XCR1: variants seen among roughly 807,000 people sequenced by gnomAD.
The protein encoded by XCR1 is chemokine XC receptor 1.
For synonymous variants in XCR1, 187 were observed against 188.5 expected (o/e 0.99, Z 0.06); for missense variants, 356 against 424.2 (o/e 0.84, Z 1.41).
intron 2 of XCR1, among the ~76,000 whole-genome samples, chr3:46,076,481 G>T (rs1293237886): frequency 6.6e-6 from 1 of 150,650 alleles, no homozygotes; most frequent in African/African-American, 2.4e-5. Flanking sequence ...TGTAAAATGA[G>T]AAAGACACTC....
intron 5 of XCR1, among the ~76,000 whole-genome samples, chr3:46,040,558 T>C (rs1697523004): frequency 6.6e-6 from 1 of 152,168 alleles, no homozygotes; most frequent in South Asian, 2.1e-4. Context: ...CAGGATTATA[T>C]GATATTCCTG....
intron 1 of XCR1, chr3:46,023,397 CA>C: frequency 1.4e-6 from 2 of 1,472,764 alleles, no homozygotes; most frequent in Non-Finnish European, 1.9e-6. Context: ...TTTCTTGTCA[CA>C]AAAAGGCTGC....
chr3:46,074,369 A>C (rs1007083991), intron 3 of XCR1, among the ~76,000 whole-genome samples: 11 of 152,108 alleles, frequency 7.2e-5, no homozygotes, highest in African/African-American at 2.7e-4. Flanking sequence ...AGAAACAGAA[A>C]GTCAAATACT....
Position 46,080,067 on chromosome 3 carries a change from G to A in XCR1, c.-514-3141C>T, listed in dbSNP as rs183585726. Among the ~76,000 whole-genome samples, 1,094 of 140,368 alleles carry A rather than the reference G, an allele frequency of 7.8e-3. 8 individuals carry two copies. The highest frequency in any genetic ancestry group is 0.012 in the Non-Finnish European group (783 of 64,440). The allele number at this position is 140,368 out of a possible 152,430, so 92.1% of individuals were successfully genotyped here. A position where few individuals can be genotyped will look rare whatever the true frequency, so the allele number is the denominator to read the frequency against. ...AATTTGTGCTTAATTATTTTGAACAGTTAAAAAAAAAACCTTTTAACAATA... is the reference window on the plus strand; with the variant it reads ...AATTTGTGCTTAATTATTTTGAACAATTAAAAAAAAAACCTTTTAACAATA... On this transcript the variant is annotated intron_variant, in intron 1 of 5. Coordinates refer to the XCR1 transcript ENST00000683768.
At chr3:46,052,094 A>G (rs1253087972) in intron 5 of XCR1, among the ~76,000 whole-genome samples, 1 of 152,212 alleles carries the variant, frequency 6.6e-6, no homozygotes, top group East Asian at 1.9e-4. Flanking sequence ...TCCTGGGACT[A>G]CAGTAATGCC....
At chr3:46,044,999 G>A (rs1321700090) in intron 5 of XCR1, among the ~76,000 whole-genome samples, 1 of 152,056 alleles carries the variant, frequency 6.6e-6, no homozygotes, top group African/African-American at 2.4e-5. Flanking sequence ...CATTCTATGA[G>A]GCCAGCATTA....
chr3:46,072,270 G>T (rs1330269351), intron 3 of XCR1, among the ~76,000 whole-genome samples: 2 of 152,152 alleles, frequency 1.3e-5, no homozygotes, highest in Non-Finnish European at 2.9e-5. Context: ...TGTAATCCCA[G>T]CATCTTGGGA....
intron 2 of XCR1, among the ~76,000 whole-genome samples, chr3:46,076,179 G>C (rs1403140254): frequency 6.6e-6 from 1 of 152,128 alleles, no homozygotes; most frequent in Admixed American, 6.5e-5. Flanking sequence ...GGGGAGACTT[G>C]GATTTTGTAT....
upstream of XCR1, among the ~76,000 whole-genome samples, chr3:46,029,288 C>T (rs967384851): frequency 6.6e-6 from 1 of 152,154 alleles, no homozygotes; most frequent in African/African-American, 2.4e-5. Context: ...ACTGCAGCTT[C>T]AATCTCCCAG....
chr3:46,035,024 G>A (rs1262606124), intron 5 of XCR1, among the ~76,000 whole-genome samples: 1 of 151,486 alleles, frequency 6.6e-6, no homozygotes, highest in East Asian at 1.9e-4. Context: ...GTGTGATCTC[G>A]GCTCACTGCA....
At chr3:46,023,324 TG>T in intron 1 of XCR1, 2 of 1,083,190 alleles carry the variant, frequency 1.8e-6, no homozygotes, top group South Asian at 1.4e-5. Flanking sequence ...CCCCTCAACC[TG>T]GCTCATCAGC....
At chr3:46,054,091 G>A (rs377335111) in intron 4 of XCR1, among the ~76,000 whole-genome samples, 4 of 152,182 alleles carry the variant, frequency 2.6e-5, no homozygotes, top group East Asian at 3.8e-4. Flanking sequence ...GGGGGCAAAC[G>A]CGGGAATAAA....
chr3:46,047,310 C>T (rs928776887), intron 5 of XCR1, among the ~76,000 whole-genome samples: 1 of 152,112 alleles, frequency 6.6e-6, no homozygotes, highest in African/African-American at 2.4e-5. Flanking sequence ...TGTGGCAGCC[C>T]AAGGCTCGGA....
chr3:46,032,315 A>C (rs1414084428), upstream of XCR1, among the ~76,000 whole-genome samples: 2 of 152,134 alleles, frequency 1.3e-5, no homozygotes, highest in African/African-American at 2.4e-5. Context: ...GTACCACTGC[A>C]TTCCCTTACG....
At chr3:46,023,839 G>A (rs1158352460) in intron 1 of XCR1, 1 of 1,525,300 alleles carries the variant, frequency 6.6e-7, no homozygotes, top group African/African-American at 1.4e-5. Context: ...GAAGAGACGT[G>A]TGGAATTCCT....
At chr3:46,068,193 A>G (rs1698108758) in intron 3 of XCR1, among the ~76,000 whole-genome samples, 1 of 152,180 alleles carries the variant, frequency 6.6e-6, no homozygotes, top group African/African-American at 2.4e-5. Flanking sequence ...CCTCATAATT[A>G]CAAGGTAGCT....
upstream of XCR1, among the ~76,000 whole-genome samples, chr3:46,029,028 A>G (rs1293367709): frequency 2.0e-5 from 3 of 152,236 alleles, no homozygotes; most frequent in Non-Finnish European, 4.4e-5. Flanking sequence ...ACTTTCAGTT[A>G]TATTCCATTG....
chr3:46,078,708 T>C (rs896940920), intron 1 of XCR1, among the ~76,000 whole-genome samples: 7 of 152,242 alleles, frequency 4.6e-5, no homozygotes, highest in Non-Finnish European at 8.8e-5. Flanking sequence ...CCAATTCCTA[T>C]TAGTTCTAAA....
chr3:46,032,668 A>G (rs1400165299), intron 5 of XCR1, among the ~76,000 whole-genome samples: 2 of 152,214 alleles, frequency 1.3e-5, no homozygotes, highest in African/African-American at 4.8e-5. Flanking sequence ...TTGTAACAAT[A>G]AGACTATGTT....
Sources: gnomAD v4.1 joint callset for allele counts (sites outside exome capture counted in the v4.1 genomes callset) on GRCh38, gnomAD v4.1.1 for gene constraint, MANE v1.5 for transcripts, NCBI Gene and HGNC (gene_info 2026-07-23, HGNC 2026-07-21) for gene names.